Variants in NTN1 observed in about 807,000 individuals in gnomAD.
NTN1 encodes the protein netrin 1.
NTN1 carries 11 observed loss-of-function variants against 54.2 expected under a neutral mutation model. That is an observed-to-expected ratio of 0.20 (90% CI 0.13 to 0.34). The LOEUF (loss-of-function observed/expected upper bound fraction) is 0.34. Among genes scored for constraint, NTN1 ranks in the 10% least tolerant of loss-of-function variants. The pLI is 1.00. For missense variants in NTN1, 740 were observed against 893.1 expected (o/e 0.83, Z 2.18); for synonymous variants, 371 against 382.0 (o/e 0.97, Z 0.33).
intron 2 of NTN1, among the ~76,000 whole-genome samples, chr17:9,077,224 G>T (rs1026506319): frequency 3.9e-5 from 6 of 152,102 alleles, no homozygotes; most frequent in African/African-American, 1.2e-4. Flanking sequence ...GAAAAAAAAA[G>T]GAAGAAAGGA....
At chr17:9,174,140 G>C (rs1021370563) in intron 3 of NTN1, 1 of 152,286 alleles carries the variant, frequency 6.6e-6, no homozygotes, top group Non-Finnish European at 1.5e-5. Flanking sequence ...TGTGAGACCT[G>C]TTGGGAATCA....
intron 2 of NTN1, among the ~76,000 whole-genome samples, chr17:9,113,023 T>A (rs1186795143): frequency 6.9e-6 from 1 of 145,118 alleles, no homozygotes; most frequent in Non-Finnish European, 1.5e-5. Flanking sequence ...TACAGAATTT[T>A]TTTTATTTTT....
intron 2 of NTN1, among the ~76,000 whole-genome samples, chr17:9,145,048 C>G (rs930491867): frequency 6.6e-6 from 1 of 152,322 alleles, no homozygotes; most frequent in South Asian, 2.1e-4. Flanking sequence ...CGCCACCCCC[C>G]GAGGCTGGCC....
At chr17:9,197,332 G>A (rs1004604457) in intron 5 of NTN1, among the ~76,000 whole-genome samples, 2 of 151,992 alleles carry the variant, frequency 1.3e-5, no homozygotes, top group African/African-American at 2.4e-5. Flanking sequence ...CAGAGGCTTA[G>A]CAAAGCTTCC....
At chr17:9,132,261 A>G (rs1383696400) in intron 2 of NTN1, among the ~76,000 whole-genome samples, 2 of 152,108 alleles carry the variant, frequency 1.3e-5, no homozygotes, top group East Asian at 1.9e-4. Flanking sequence ...CTAACAAGCC[A>G]TGTACTTTCA....
intron 5 of NTN1, among the ~76,000 whole-genome samples, chr17:9,198,562 T>C (rs1904699149): frequency 6.6e-6 from 1 of 152,098 alleles, no homozygotes; most frequent in Admixed American, 6.5e-5. Flanking sequence ...CATCTGTGGG[T>C]TTCTGTTTTG....
chr17:9,169,131 T>C (rs185223559), intron 3 of NTN1, among the ~76,000 whole-genome samples: 3 of 152,362 alleles, frequency 2.0e-5, no homozygotes, highest in Admixed American at 2.0e-4. Flanking sequence ...ATGTTCAGTC[T>C]ACAGGGTATC....
chr17:9,039,419 C>T (rs1213982673), intron 2 of NTN1, among the ~76,000 whole-genome samples: 2 of 152,112 alleles, frequency 1.3e-5, no homozygotes, highest in Non-Finnish European at 2.9e-5. Flanking sequence ...TTTAGGATAT[C>T]AGAAAAGTAG....
chr17:9,243,936 T>G lies in NTN1; in HGVS notation c.*3968T>G, dbSNP rs1469480356. 6.6e-6 allele frequency: 1 copy of G among 151,812 alleles called. No homozygotes were observed. The highest frequency in any genetic ancestry group is 2.4e-5 in the African/African-American group (1 of 41,314). 9.4% of individuals were successfully genotyped at this position (151,812 alleles called of 1,614,324 possible). On this transcript the variant is annotated 3_prime_UTR_variant, in exon 7 of 7. Coordinates refer to ENST00000173229, the MANE Select transcript of NTN1 (RefSeq NM_004822.3). ...GAGTTGTAATGGACCCAGATGGAAC[T>G]TGTAATGTGGGCCCCACATGATAGA... is the stretch of plus-strand genomic sequence containing the variant.
intron 2 of NTN1, among the ~76,000 whole-genome samples, chr17:9,091,054 C>T (rs1361522349): frequency 6.6e-6 from 1 of 152,148 alleles, no homozygotes; most frequent in Non-Finnish European, 1.5e-5. Flanking sequence ...GTGCCAAGTG[C>T]AAGGTTTCTG....
In NTN1 at chr17:9,051,992, C is replaced by T. The variant is rs185660709; in HGVS notation, c.1018+28601C>T. 1.3e-3 allele frequency among the ~76,000 whole-genome samples: 202 copies of T among 151,292 alleles called. 2 individuals are homozygous for T. Among genetic ancestry groups the T allele is most frequent in the African/African-American group, 4.7e-3 (195 of 41,176 alleles). ...TTTTTTTTTGTATTTTGTGTTTTGACGCGGAGTTTCGCTCTTGCTGCCTAG... is the reference window on the plus strand; with the variant it reads ...TTTTTTTTTGTATTTTGTGTTTTGATGCGGAGTTTCGCTCTTGCTGCCTAG... On this transcript the variant is annotated intron_variant, in intron 2 of 6. Transcript: ENST00000173229.
At chr17:9,073,687 C>A (rs915491027) in intron 2 of NTN1, among the ~76,000 whole-genome samples, 4 of 152,218 alleles carry the variant, frequency 2.6e-5, no homozygotes, top group African/African-American at 9.6e-5. Context: ...TGCCCTCTTA[C>A]AAGGTCAGTT....
intron 2 of NTN1, among the ~76,000 whole-genome samples, chr17:9,114,163 A>AT (rs2092202363): frequency 2.6e-5 from 3 of 115,760 alleles, no homozygotes; most frequent in African/African-American, 1.1e-4. Flanking sequence ...GAAAAAAAAA[A>AT]AAAATATATA....
intron 5 of NTN1, among the ~76,000 whole-genome samples, chr17:9,186,919 G>A (rs1185103470): frequency 6.6e-6 from 1 of 152,132 alleles, no homozygotes; most frequent in Non-Finnish European, 1.5e-5. Context: ...GCATTAGCGA[G>A]GGGTTGTGGG....
intron 2 of NTN1, among the ~76,000 whole-genome samples, chr17:9,030,658 T>G (rs2091885859): frequency 1.3e-5 from 2 of 151,790 alleles, no homozygotes; most frequent in African/African-American, 2.4e-5. Context: ...GGCAGGAGAA[T>G]TGCTTGAACC....
chr17:9,150,508 T>C (rs1340901740), intron 2 of NTN1, among the ~76,000 whole-genome samples: 1 of 152,156 alleles, frequency 6.6e-6, no homozygotes, highest in Non-Finnish European at 1.5e-5. Context: ...GGGCAGAGGC[T>C]CCGGACTGGA....
chr17:9,045,340 G>A (rs2091938495), intron 2 of NTN1, among the ~76,000 whole-genome samples: 1 of 152,174 alleles, frequency 6.6e-6, no homozygotes, highest in Non-Finnish European at 1.5e-5. Context: ...CTGACATGGG[G>A]TGCCACCTCC....
At chr17:9,207,612 C>T (rs1310225986) in intron 5 of NTN1, among the ~76,000 whole-genome samples, 2 of 152,198 alleles carry the variant, frequency 1.3e-5, no homozygotes, top group African/African-American at 2.4e-5. Flanking sequence ...TCTGCCACCC[C>T]CTCTGTCCTG....
chr17:9,115,801 C>G (rs1255576934), intron 2 of NTN1, among the ~76,000 whole-genome samples: 1 of 152,230 alleles, frequency 6.6e-6, no homozygotes, highest in Non-Finnish European at 1.5e-5. Flanking sequence ...GCTTGCTGGT[C>G]TTGGCCGGCC....
Sources: gnomAD v4.1 joint callset for allele counts (sites outside exome capture counted in the v4.1 genomes callset) on GRCh38, gnomAD v4.1.1 for gene constraint, MANE v1.5 for transcripts, NCBI Gene and HGNC (gene_info 2026-07-23, HGNC 2026-07-21) for gene names.